Variants in STXBP4 observed in about 807,000 individuals in gnomAD.
STXBP4 encodes syntaxin-binding protein 4.
Under a neutral mutation model 76.1 loss-of-function variants are expected in STXBP4, and 55 were observed. That is an observed-to-expected ratio of 0.72 (90% CI 0.58 to 0.91). The LOEUF (loss-of-function observed/expected upper bound fraction) is 0.91, where lower values mean the gene tolerates loss of function less well. Among genes scored for constraint, STXBP4 ranks in the 40% least tolerant of loss-of-function variants. The probability of loss-of-function intolerance (pLI) is 0.00; values close to 1 mark genes in which losing one functional copy is unlikely to be tolerated. For synonymous variants in STXBP4, 201 were observed against 220.2 expected, an observed-to-expected ratio of 0.91 and a Z score of 0.77; for missense variants, 618 against 636.9, an observed-to-expected ratio of 0.97 and a Z score of 0.32.
chr17:55,144,666 A>C (rs951796711), intron 17 of STXBP4, among the ~76,000 whole-genome samples: 12 of 152,202 alleles, frequency 7.9e-5, no homozygotes, highest in Non-Finnish European at 1.2e-4. Context: ...AACTGCTTGT[A>C]AATAGCCTTT....
At position 55,164,608 on chromosome 17, in the gene STXBP4, G is replaced by A. The variant is rs549214698; in HGVS notation, c.*4697G>A. The stretch of plus-strand genomic sequence containing the variant: ...TGGGACTACAGGCGCCCGCCACCGC[G>A]CCCGGCTAATTTTTTTTGTATTTTT... On this transcript the variant is annotated 3_prime_UTR_variant, in exon 18 of 18. Transcript: ENST00000376352. 1.2e-4 allele frequency: 18 copies of A among 150,632 alleles called. No individual in the cohort carries two copies. In the East Asian group the frequency reaches 2.5e-3, roughly 21 times the overall value. The allele number at this position is 150,632 out of a possible 1,614,324, so 9.3% of individuals were successfully genotyped here.
In STXBP4 at chr17:54,999,706, C is replaced by T. The variant is rs779381311; in HGVS notation, c.362C>T (p.Thr121Ile). The change falls in exon 6 of 18, where the codon ACA (threonine) becomes ATA (isoleucine). Residue 121 changes from threonine (T) to isoleucine (I), a missense_variant. Thr to Ile is a moderately conservative substitution (Grantham distance 89). Transcript: ENST00000376352. ...ATTCAGCCAGAAAATCTGTCATGTA[C>T]ATCACTTATAGAAGCTTCAGGAGAA... ...DNIQPENLSC[T>I]SLIEASGEYG... 1 of 1,613,708 alleles carries T rather than the reference C, an allele frequency of 6.2e-7. No homozygotes were observed. The highest frequency in any genetic ancestry group is 1.3e-5 in the African/African-American group (1 of 75,010).
chr17:55,161,069 G>C lies in STXBP4; in HGVS notation c.*1158G>C, dbSNP rs2080332611. ...CAGACCTAGAGGTCCTTAGAACATA[G>C]TCTAAGAACCATTCATTGTAGCCAT... On this transcript the variant is annotated 3_prime_UTR_variant, in exon 18 of 18. Transcript: ENST00000376352. The C allele has an allele frequency of 6.6e-6, 1 of 152,198 alleles. No individual in the cohort carries two copies. Among genetic ancestry groups the C allele is most frequent in the South Asian group, 2.1e-4 (1 of 4,824 alleles). The allele number at this position is 152,198 out of a possible 1,614,324, so 9.4% of individuals were successfully genotyped here. A position where few individuals can be genotyped will look rare whatever the true frequency, so the allele number is the denominator to read the frequency against.
rs998360933 is a variant in STXBP4, at chr17:55,171,098, C to G, written c.*11187C>G. The G allele has an allele frequency of 3.9e-5, 6 of 152,192 alleles. No individual in the cohort carries two copies. Among genetic ancestry groups the G allele is most frequent in the Non-Finnish European group, 1.5e-5 (1 of 68,032 alleles). 9.4% of individuals were successfully genotyped at this position (152,192 alleles called of 1,614,324 possible). Reference sequence around the variant, plus strand: ...CCTTGAAAACTTTTGTGCAGTAAAACCAGCAATGGATTTTAGCAGAGTTGA... The same window carrying G: ...CCTTGAAAACTTTTGTGCAGTAAAAGCAGCAATGGATTTTAGCAGAGTTGA... On this transcript the variant is annotated 3_prime_UTR_variant, in exon 18 of 18. Transcript: ENST00000376352.
chr17:55,100,748 C>T (rs918934964), intron 16 of STXBP4, among the ~76,000 whole-genome samples: 1 of 152,114 alleles, frequency 6.6e-6, no homozygotes, highest in African/African-American at 2.4e-5. Flanking sequence ...TGATCCTCTC[C>T]CTTGGAGTAT....
chr17:55,059,615 A>G (rs937629358), intron 12 of STXBP4, among the ~76,000 whole-genome samples: 20 of 152,250 alleles, frequency 1.3e-4, no homozygotes, highest in African/African-American at 4.6e-4. Context: ...ATGCTGATCT[A>G]GAACTCTACA....
chr17:55,060,396 C>G (rs1311021006), intron 12 of STXBP4, among the ~76,000 whole-genome samples: 1 of 152,060 alleles, frequency 6.6e-6, no homozygotes, highest in Non-Finnish European at 1.5e-5. Flanking sequence ...TATAACTCTT[C>G]TCTTAAAAAT....
At chr17:55,090,770 TAGA>T (rs2079401732) in intron 16 of STXBP4, among the ~76,000 whole-genome samples, 1 of 151,920 alleles carries the variant, frequency 6.6e-6, no homozygotes, top group South Asian at 2.1e-4. Context: ...AGGATCAAGA[TAGA>T]AGAGGGATCT....
chr17:55,180,091 G>A, the STXBP4 span, among the ~76,000 whole-genome samples: 9 of 152,244 alleles, frequency 5.9e-5, no homozygotes, highest in South Asian at 8.3e-4. Context: ...TACTAGCTTT[G>A]TTACCTTGAG....
At chr17:55,115,289 A>G (rs1477935150) in intron 16 of STXBP4, among the ~76,000 whole-genome samples, 6 of 151,880 alleles carry the variant, frequency 4.0e-5, no homozygotes, top group African/African-American at 9.7e-5. Context: ...AGTGCAACAC[A>G]TGATCATAGT....
chr17:55,010,247 G>C (rs1041740542), intron 8 of STXBP4, among the ~76,000 whole-genome samples: 1 of 113,188 alleles, frequency 8.8e-6, no homozygotes, highest in African/African-American at 3.2e-5. Flanking sequence ...TCAAGACAAT[G>C]TCATATATAT....
At chr17:55,087,065 G>A (rs564485847) in intron 16 of STXBP4, among the ~76,000 whole-genome samples, 1 of 152,136 alleles carries the variant, frequency 6.6e-6, no homozygotes, top group South Asian at 2.1e-4. Flanking sequence ...GTCTTCTTTT[G>A]GGAAATGTCT....
intron 10 of STXBP4, among the ~76,000 whole-genome samples, chr17:55,039,519 T>TATAG (rs2078661456): frequency 6.6e-6 from 1 of 151,998 alleles, no homozygotes; most frequent in Admixed American, 6.6e-5. Flanking sequence ...GTTGGTTATC[T>TATAG]AGGAAGGGAG....
chr17:55,139,638 C>G (rs2145146751), intron 16 of STXBP4, among the ~76,000 whole-genome samples: 1 of 152,210 alleles, frequency 6.6e-6, no homozygotes. Flanking sequence ...TATCATGGCG[C>G]ATCTGGCTGA....
chr17:55,131,968 C>T (rs1313405793), intron 16 of STXBP4, among the ~76,000 whole-genome samples: 1 of 151,976 alleles, frequency 6.6e-6, no homozygotes, highest in African/African-American at 2.4e-5. Flanking sequence ...AGTGATCTAC[C>T]TGCCTCAACT....
intron 16 of STXBP4, among the ~76,000 whole-genome samples, chr17:55,116,024 T>C (rs2145072367): frequency 6.6e-6 from 1 of 151,976 alleles, no homozygotes; most frequent in Non-Finnish European, 1.5e-5. Flanking sequence ...CCAGTATAGG[T>C]GTAAAGACAA....
rs539342862 is a variant in STXBP4 at position 55,173,355 on chromosome 17, A to G, written c.*13444A>G. 3.3e-5 allele frequency: 5 copies of G among 152,310 alleles called. No individual in the cohort carries two copies. The highest frequency in any genetic ancestry group is 3.3e-4 in the Admixed American group (5 of 15,294). The allele number at this position is 152,310 out of a possible 1,614,324, so 9.4% of individuals were successfully genotyped here. A position where few individuals can be genotyped will look rare whatever the true frequency, so the allele number is the denominator to read the frequency against. On this transcript the variant is annotated 3_prime_UTR_variant, in exon 18 of 18. Coordinates refer to ENST00000376352, the MANE Select transcript of STXBP4 (RefSeq NM_178509.6). ...CCCTTCCCCACCCCAACTCCTGGCA[A>G]TTACTGCTCTATTCTCCGTAACTGT...
the STXBP4 span, among the ~76,000 whole-genome samples, chr17:55,210,913 G>A: frequency 1.2e-4 from 18 of 152,234 alleles, no homozygotes; most frequent in African/African-American, 4.1e-4. Context: ...ATCATTAAGA[G>A]TTCCCTTTCG....
intron 17 of STXBP4, among the ~76,000 whole-genome samples, chr17:55,142,305 A>G (rs911624859): frequency 4.6e-5 from 7 of 152,216 alleles, no homozygotes; most frequent in Non-Finnish European, 8.8e-5. Context: ...ACAGACTCCT[A>G]AGAGCCCAGG....
Sources: gnomAD v4.1 joint callset for allele counts (sites outside exome capture counted in the v4.1 genomes callset) on GRCh38, gnomAD v4.1.1 for gene constraint, MANE v1.5 for transcripts, NCBI Gene and HGNC (gene_info 2026-07-23, HGNC 2026-07-21) for gene names.